Variants in CLPB observed in about 807,000 individuals in gnomAD.
The protein encoded by CLPB is mitochondrial disaggregase.
Under a neutral mutation model 78.4 loss-of-function variants are expected in CLPB, and 40 were observed. The observed-to-expected ratio is 0.51, with a 90% CI of 0.40 to 0.66. The LOEUF (loss-of-function observed/expected upper bound fraction) is 0.66, where lower values mean the gene tolerates loss of function less well. Ranked by LOEUF, CLPB falls within the 30% of genes least tolerant of loss-of-function variation. The probability of loss-of-function intolerance (pLI) is 0.00; values close to 1 mark genes in which losing one functional copy is unlikely to be tolerated. For missense variants in CLPB, 780 were observed against 886.9 expected, an observed-to-expected ratio of 0.88 and a Z score of 1.53; for synonymous variants, 333 against 348.0, an observed-to-expected ratio of 0.96 and a Z score of 0.48.
chr11:72,407,805 C>T (rs1474068885), intron 2 of CLPB, among the ~76,000 whole-genome samples: 1 of 152,118 alleles, frequency 6.6e-6, no homozygotes, highest in African/African-American at 2.4e-5. Context: ...TGCCACCACG[C>T]CCAGCTAATT....
intron 3 of CLPB, among the ~76,000 whole-genome samples, chr11:72,386,418 A>G (rs908470420): frequency 2.6e-5 from 4 of 152,226 alleles, no homozygotes; most frequent in Non-Finnish European, 4.4e-5. Flanking sequence ...CGTAACTATT[A>G]AAAAGCCAAA....
intron 5 of CLPB, among the ~76,000 whole-genome samples, chr11:72,340,125 A>AAC (rs1950393411): frequency 6.6e-6 from 1 of 152,204 alleles, no homozygotes; most frequent in Non-Finnish European, 1.5e-5. Flanking sequence ...GGACTGCTTC[A>AAC]ACACAGACAT....
rs1292284292 is a variant in CLPB, at chr11:72,294,016, G to T, written c.1785+6C>A. The T allele has an allele frequency of 2.5e-6, 4 of 1,612,260 alleles. No homozygotes were observed. The African/African-American group carries it at 4.0e-5, about 16-fold the overall frequency. On this transcript the variant is annotated splice_donor_region_variant and intron_variant, in intron 15 of 15. Coordinates refer to ENST00000538039, the MANE Select transcript of CLPB (RefSeq NM_001258392.3). ...GGCGCCTCATTTCTCAGGCTCCTGT[G>T]CTCACCTCATGTTTGATGGAGCGGG... is the stretch of plus-strand genomic sequence containing the variant.
intron 3 of CLPB, among the ~76,000 whole-genome samples, chr11:72,392,495 T>C (rs1437541490): frequency 3.9e-5 from 6 of 152,182 alleles, no homozygotes; most frequent in African/African-American, 1.2e-4. Context: ...AGAACAGTTT[T>C]CTTTTTAAAG....
At chr11:72,342,261 G>T (rs1299798694) in intron 5 of CLPB, among the ~76,000 whole-genome samples, 1 of 152,176 alleles carries the variant, frequency 6.6e-6, no homozygotes, top group Non-Finnish European at 1.5e-5. Flanking sequence ...GATCAGTGTG[G>T]TTAGAAAGAG....
chr11:72,377,709 G>C (rs1387485354), intron 4 of CLPB, among the ~76,000 whole-genome samples: 1 of 151,890 alleles, frequency 6.6e-6, no homozygotes, highest in Non-Finnish European at 1.5e-5. Flanking sequence ...GAAGGGGAAG[G>C]AAGGAAGGAA....
intron 9 of CLPB, 21 bp from the exon 10 acceptor site, chr11:72,302,369 A>G: frequency 1.2e-6 from 2 of 1,613,588 alleles, no homozygotes; most frequent in Non-Finnish European, 1.7e-6. Context: ...ACAAGCAAGT[A>G]CCAACTCCGT....
At chr11:72,419,994 G>C (rs1388538800) in intron 2 of CLPB, among the ~76,000 whole-genome samples, 1 of 152,156 alleles carries the variant, frequency 6.6e-6, no homozygotes, top group African/African-American at 2.4e-5. Flanking sequence ...TTTGTCCTCT[G>C]TCTACAGGTT....
chr11:72,356,024 G>T (rs1395823157), intron 5 of CLPB, among the ~76,000 whole-genome samples: 1 of 152,166 alleles, frequency 6.6e-6, no homozygotes, highest in Non-Finnish European at 1.5e-5. Context: ...GCTCATGCCT[G>T]TAATCCCAGC....
chr11:72,421,475 A>G (rs1856196757), intron 2 of CLPB, among the ~76,000 whole-genome samples: 1 of 152,224 alleles, frequency 6.6e-6, no homozygotes, highest in Non-Finnish European at 1.5e-5. Context: ...CCGAAGGATG[A>G]GGAATTTTCC....
At chr11:72,429,233 T>G (rs867588646) in intron 2 of CLPB, 4 of 152,222 alleles carry the variant, frequency 2.6e-5, no homozygotes, top group African/African-American at 9.7e-5. Flanking sequence ...TCCAACATAT[T>G]TATTTGGCTA....
intron 13 of CLPB, 47 bp downstream of exon 13, chr11:72,294,573 C>A: frequency 6.2e-7 from 1 of 1,605,934 alleles, no homozygotes; most frequent in Non-Finnish European, 8.5e-7. Flanking sequence ...AGATCACCCT[C>A]CCCCAACCTT....
At position 72,358,986 on chromosome 11, in the gene CLPB, G is replaced by A. The variant is rs1347411673; in HGVS notation, c.669C>T (p.Asp223=). ...CGCGGTTGTTCAGCCTGTTGTTGAA[G>A]TCATCCTCTCGGGTGATCAGGACTG... ...SLEVLITRED[D]FNNRLNNRAS... is the part of the protein sequence containing the mutation. The change falls in exon 5 of 16, where the codon GAC becomes GAT. Residue 223 remains aspartate (D), a synonymous_variant. Transcript: ENST00000538039. 3.7e-6 allele frequency: 6 copies of A among 1,613,662 alleles called. No individual in the cohort carries two copies. Among genetic ancestry groups the A allele is most frequent in the Non-Finnish European group, 5.1e-6 (6 of 1,179,970 alleles).
intron 7 of CLPB, among the ~76,000 whole-genome samples, chr11:72,313,840 T>C (rs1423366318): frequency 6.6e-6 from 1 of 152,174 alleles, no homozygotes; most frequent in Non-Finnish European, 1.5e-5. Context: ...GCTTTAAATG[T>C]ATAGTAAAGG....
chr11:72,418,261 C>A (rs150389458), intron 2 of CLPB, among the ~76,000 whole-genome samples: 2 of 152,306 alleles, frequency 1.3e-5, no homozygotes, highest in Non-Finnish European at 2.9e-5. Flanking sequence ...TGACTTACTA[C>A]GGTGAAGGCA....
intron 4 of CLPB, chr11:72,372,827 G>T (rs1951068498): frequency 9.2e-7 from 1 of 1,091,484 alleles, no homozygotes; most frequent in Admixed American, 1.7e-5. Flanking sequence ...TGGGTGCTGG[G>T]TAGTTAACTT....
In CLPB at chr11:72,329,816, A is replaced by C. The variant is rs1455298107; in HGVS notation, c.776-12T>G. The C allele has an allele frequency of 1.9e-6, 3 of 1,604,814 alleles. No individual in the cohort carries two copies. The highest frequency in any genetic ancestry group is 2.6e-6 in the Non-Finnish European group (3 of 1,171,930). On this transcript the variant is annotated splice_polypyrimidine_tract_variant and intron_variant, in intron 5 of 15. Transcript: ENST00000538039. ...CAGGGGGTTGGCTCCTGGCAAGAGA[A>C]GAAGGATAAACAGAGGCTCTATGAA...
chr11:72,381,473 A>C (rs1415890272), intron 3 of CLPB, among the ~76,000 whole-genome samples: 1 of 151,902 alleles, frequency 6.6e-6, no homozygotes, highest in African/African-American at 2.4e-5. Context: ...GCAGTCATGG[A>C]CTCTGGGCCC....
At chr11:72,404,683 G>GT (rs761365257) in intron 2 of CLPB, among the ~76,000 whole-genome samples, 1 of 152,190 alleles carries the variant, frequency 6.6e-6, no homozygotes, top group Non-Finnish European at 1.5e-5. Context: ...ACAAAAGCAG[G>GT]TGAGGGAGGG....
Sources: gnomAD v4.1 joint callset for allele counts (sites outside exome capture counted in the v4.1 genomes callset) on GRCh38, gnomAD v4.1.1 for gene constraint, MANE v1.5 for transcripts, NCBI Gene and HGNC (gene_info 2026-07-23, HGNC 2026-07-21) for gene names.